Variants in DENND4A observed in about 807,000 individuals in gnomAD.
DENND4A encodes DENN domain containing 4A, also known as C-myc promoter-binding protein.
A neutral mutation model predicts 199.3 loss-of-function variants in DENND4A; 70 were observed. The observed-to-expected ratio is 0.35, with a 90% CI of 0.29 to 0.43. The LOEUF (loss-of-function observed/expected upper bound fraction) is 0.43. Ranked by LOEUF, DENND4A falls within the 20% of genes least tolerant of loss-of-function variation. The pLI is 1.00. For missense variants in DENND4A, 1,723 were observed against 2,255.8 expected, an observed-to-expected ratio of 0.76 and a Z score of 4.78; for synonymous variants, 686 against 766.9, an observed-to-expected ratio of 0.89 and a Z score of 1.74.
intron 27 of DENND4A, 85 bp from the exon 28 acceptor site, chr15:65,668,208 CT>C: frequency 1.0e-6 from 1 of 958,816 alleles, no homozygotes; most frequent in Non-Finnish European, 1.5e-6. Context: ...CTCTCTCTCT[CT>C]CTTTTTTTTT....
chr15:65,703,132 T>C, intron 15 of DENND4A, 124 bp from the exon 16 acceptor site: 2 of 876,216 alleles, frequency 2.3e-6, no homozygotes, highest in South Asian at 4.1e-5. Context: ...ACTATCTTTC[T>C]TTGTCAGGCT....
chr15:65,702,178 T>G, intron 17 of DENND4A, 127 bp downstream of exon 17: 1 of 822,814 alleles, frequency 1.2e-6, no homozygotes, highest in Non-Finnish European at 1.9e-6. Context: ...ATGGGAGGAT[T>G]GCATCTCTTG....
In DENND4A at chr15:65,734,168, C is replaced by T. The variant is rs1306001838; in HGVS notation, c.1041-1350G>A. On this transcript the variant is annotated intron_variant, in intron 7 of 32. Coordinates refer to ENST00000443035, the MANE Select transcript of DENND4A (RefSeq NM_001320835.1). ...CATCTGTCTCCTGCCCGTCCCTGGG[C>T]AATGGAATGTCTCGGTATAAAACCC... Among the ~76,000 whole-genome samples the T allele has an allele frequency of 2.0e-5, 3 of 152,222 alleles. No individual in the cohort carries two copies. In the East Asian group the frequency reaches 5.8e-4, roughly 29 times the overall value.
intron 23 of DENND4A, among the ~76,000 whole-genome samples, chr15:65,684,818 AT>A (rs541989496): frequency 0.17 from 18,268 of 105,254 alleles, 819 homozygotes; most frequent in East Asian, 0.53. Context: ...TTTTCTTCCA[AT>A]TTTTTTTTTT....
intron 2 of DENND4A, among the ~76,000 whole-genome samples, chr15:65,758,344 C>T (rs1007232398): frequency 6.6e-6 from 1 of 152,168 alleles, no homozygotes; most frequent in African/African-American, 2.4e-5. Context: ...GACAGGGTCT[C>T]GCTCTGTCGC....
At chr15:65,734,547 T>C (rs980447912) in intron 7 of DENND4A, among the ~76,000 whole-genome samples, 1 of 152,104 alleles carries the variant, frequency 6.6e-6, no homozygotes, top group East Asian at 1.9e-4. Flanking sequence ...GTCTCTGTGT[T>C]TTTTTCTTTT....
chr15:65,769,150 T>A (rs139400709), intron 1 of DENND4A, among the ~76,000 whole-genome samples: 1 of 151,932 alleles, frequency 6.6e-6, no homozygotes, highest in East Asian at 1.9e-4. Flanking sequence ...TAAAAACGCA[T>A]AGATTTTTTA....
At chr15:65,704,826 A>G (rs1370564681) in intron 15 of DENND4A, among the ~76,000 whole-genome samples, 1 of 152,108 alleles carries the variant, frequency 6.6e-6, no homozygotes, top group African/African-American at 2.4e-5. Flanking sequence ...TCCTGACCTC[A>G]AGTGATCCGC....
intron 1 of DENND4A, among the ~76,000 whole-genome samples, chr15:65,765,390 AAC>A (rs894715474): frequency 6.6e-6 from 1 of 152,268 alleles, no homozygotes; most frequent in Non-Finnish European, 1.5e-5. Flanking sequence ...ATTATCTTTT[AAC>A]ACAGACTTCT....
intron 1 of DENND4A, among the ~76,000 whole-genome samples, chr15:65,779,687 T>C (rs1480285810): frequency 6.6e-6 from 1 of 151,920 alleles, no homozygotes; most frequent in Non-Finnish European, 1.5e-5. Context: ...TCTCACTCTG[T>C]CACCCAGGCT....
intron 14 of DENND4A, among the ~76,000 whole-genome samples, chr15:65,709,719 A>AAAAAAAAATATATAT (rs1218030026): frequency 4.5e-4 from 23 of 51,464 alleles, no homozygotes; most frequent in Non-Finnish European, 6.0e-4. Context: ...AAAAAAAAAA[A>AAAAAAAAATATATAT]ATATATATAT....
intron 4 of DENND4A, among the ~76,000 whole-genome samples, chr15:65,747,897 A>G (rs1446171175): frequency 6.6e-6 from 1 of 151,698 alleles, no homozygotes; most frequent in Non-Finnish European, 1.5e-5. Flanking sequence ...AAAAATAGTC[A>G]GGCGTGGTGG....
chr15:65,741,613 A>T, intron 5 of DENND4A, 102 bp downstream of exon 5: 1 of 821,472 alleles, frequency 1.2e-6, no homozygotes, highest in Admixed American at 2.4e-5. Flanking sequence ...TTGTAGTCCC[A>T]GTCCTGATAC....
chr15:65,772,801 T>C (rs2077171732), intron 1 of DENND4A, among the ~76,000 whole-genome samples: 3 of 148,206 alleles, frequency 2.0e-5, no homozygotes, highest in South Asian at 4.4e-4. Context: ...TATGCACTCA[T>C]GCAGAATTTG....
At chr15:65,774,046 A>G (rs1042199065) in intron 1 of DENND4A, among the ~76,000 whole-genome samples, 8 of 152,242 alleles carry the variant, frequency 5.3e-5, no homozygotes, top group African/African-American at 9.6e-5. Flanking sequence ...AATTTTATGA[A>G]GAAAAATACT....
At chr15:65,721,090 G>C (rs2075625512) in intron 12 of DENND4A, among the ~76,000 whole-genome samples, 1 of 150,232 alleles carries the variant, frequency 6.7e-6, no homozygotes. Flanking sequence ...TGGGATTACA[G>C]GCCTGAGCCA....
chr15:65,741,437 T>C (rs574688120), intron 5 of DENND4A, among the ~76,000 whole-genome samples: 1 of 152,306 alleles, frequency 6.6e-6, no homozygotes, highest in East Asian at 1.9e-4. Context: ...GAAAATACAT[T>C]TTACCATATT....
At chr15:65,762,746 A>G (rs1461996363) in intron 1 of DENND4A, among the ~76,000 whole-genome samples, 1 of 152,230 alleles carries the variant, frequency 6.6e-6, no homozygotes. Flanking sequence ...TCTAGAGGTG[A>G]TTTAAAGTAT....
chr15:65,703,854 A>G (rs1301358085), intron 15 of DENND4A, among the ~76,000 whole-genome samples: 1 of 152,228 alleles, frequency 6.6e-6, no homozygotes, highest in Non-Finnish European at 1.5e-5. Flanking sequence ...AAATAAGTAA[A>G]TAAGTGAAAG....
Sources: allele counts gnomAD v4.1 joint callset (sites outside exome capture counted in the v4.1 genomes callset), GRCh38; gene constraint gnomAD v4.1.1; transcripts MANE v1.5; gene names NCBI Gene and HGNC (gene_info 2026-07-23, HGNC 2026-07-21).